CACNA2D3: variants seen among roughly 807,000 people sequenced by gnomAD.
CACNA2D3 encodes the protein calcium voltage-gated channel auxiliary subunit alpha2delta 3, also known as voltage-dependent calcium channel subunit alpha-2/delta-3.
Under a neutral mutation model 160.6 loss-of-function variants are expected in CACNA2D3, and 60 were observed. That is an observed-to-expected ratio of 0.37 (90% CI 0.30 to 0.46). CACNA2D3 has a LOEUF of 0.46. Ranked by LOEUF, CACNA2D3 falls within the 20% of genes least tolerant of loss-of-function variation. The pLI is 1.00. For synonymous variants in CACNA2D3, 558 were observed against 492.9 expected (o/e 1.13, Z -1.75); for missense variants, 1,205 against 1,365.0 (o/e 0.88, Z 1.85).
At chr3:54,199,451 C>T (rs537808130) in intron 2 of CACNA2D3, among the ~76,000 whole-genome samples, 181 of 152,260 alleles carry the variant, frequency 1.2e-3, no homozygotes, top group African/African-American at 4.0e-3. Context: ...GCAACCCCTA[C>T]GTGCCAGGCT....
chr3:54,237,420 A>G (rs1411140749), intron 2 of CACNA2D3, among the ~76,000 whole-genome samples: 1 of 152,146 alleles, frequency 6.6e-6, no homozygotes, highest in East Asian at 1.9e-4. Context: ...GTTGCTCTTT[A>G]TCTAAGAAAA....
chr3:54,241,152 G>C (rs562006926), intron 2 of CACNA2D3, among the ~76,000 whole-genome samples: 3 of 152,348 alleles, frequency 2.0e-5, no homozygotes, highest in Admixed American at 6.5e-5. Context: ...CTTGGGGTCA[G>C]TCTATATCTT....
rs767637082 is a variant in CACNA2D3, at chr3:54,642,193, G to A, written c.1119G>A (p.Val373=). ...TCATGCTCATAACTGATGGGGCGGT[G>A]GACACCTATGATACAATCTTTGCAA... ...QAIMLITDGA[V]DTYDTIFAKY... The change falls in exon 11 of 38, where the codon GTG becomes GTA. Residue 373 remains valine (V), a synonymous_variant. Transcript: ENST00000474759. 3 of 1,613,032 alleles carry A rather than the reference G, an allele frequency of 1.9e-6. No homozygotes were observed. The African/African-American group carries it at 4.0e-5, about 22-fold the overall frequency.
intron 31 of CACNA2D3, among the ~76,000 whole-genome samples, chr3:54,994,477 T>C (rs1385082338): frequency 2.0e-5 from 3 of 152,188 alleles, no homozygotes; most frequent in African/African-American, 7.2e-5. Context: ...TGGACAAGTA[T>C]ATTTCTGGGC....
At position 54,187,371 on chromosome 3, in the gene CACNA2D3, A is replaced by G. The variant is rs1272640771; in HGVS notation, c.204+63777A>G. On this transcript the variant is annotated intron_variant, in intron 2 of 37. Transcript: ENST00000474759. ...AAACTACAGAGATTTTAAAGGCTTG[A>G]CAATTGAAATAATTGAACACCGCAC... is the stretch of plus-strand genomic sequence containing the variant. Among the ~76,000 whole-genome samples the G allele has an allele frequency of 2.6e-5, 4 of 152,190 alleles. No homozygotes were observed. The East Asian group carries it at 5.8e-4, about 22-fold the overall frequency.
intron 3 of CACNA2D3, among the ~76,000 whole-genome samples, chr3:54,369,576 G>A (rs1698887366): frequency 6.6e-6 from 1 of 152,170 alleles, no homozygotes; most frequent in African/African-American, 2.4e-5. Flanking sequence ...CCCTTAGACT[G>A]ATGGTCCAGG....
At chr3:54,841,733 C>T (rs151063984) in intron 16 of CACNA2D3, among the ~76,000 whole-genome samples, 78 of 152,338 alleles carry the variant, frequency 5.1e-4, no homozygotes, top group African/African-American at 1.8e-3. Context: ...GAATTCCAGA[C>T]ACCCCAGCAA....
At chr3:54,859,970 A>ATGCG (rs1313212863) in intron 17 of CACNA2D3, among the ~76,000 whole-genome samples, 2 of 104,256 alleles carry the variant, frequency 1.9e-5, no homozygotes, top group Non-Finnish European at 4.0e-5. Flanking sequence ...TGGAAAGTAG[A>ATGCG]TGCACACACA....
chr3:54,511,181 T>C (rs1701452990), intron 5 of CACNA2D3, among the ~76,000 whole-genome samples: 1 of 152,350 alleles, frequency 6.6e-6, no homozygotes, highest in Non-Finnish European at 1.5e-5. Flanking sequence ...ATGGCTGCCA[T>C]GTCTTTCCCT....
At chr3:54,618,684 C>A (rs1201244555) in intron 9 of CACNA2D3, among the ~76,000 whole-genome samples, 1 of 152,128 alleles carries the variant, frequency 6.6e-6, no homozygotes, top group South Asian at 2.1e-4. Flanking sequence ...AATATGGCTC[C>A]TAACCTGTGT....
intron 2 of CACNA2D3, among the ~76,000 whole-genome samples, chr3:54,186,534 T>C (rs1184270720): frequency 6.6e-5 from 10 of 152,170 alleles, no homozygotes; most frequent in Admixed American, 6.5e-4. Flanking sequence ...CCTTCTTTCT[T>C]TACTTTTTAG....
rs137865929 is a variant in CACNA2D3 at position 54,663,833 on chromosome 3, G to A, written c.1167+21592G>A. On this transcript the variant is annotated intron_variant, in intron 11 of 37. Transcript: ENST00000474759. ...AGAGAGGGGGTCATCTGCATGCAGT[G>A]TGGAAGATGGCCACTTCACTGCCAC... Among the ~76,000 whole-genome samples the A allele has an allele frequency of 1.2e-4, 19 of 152,340 alleles. No homozygotes were observed. The East Asian group carries it at 3.7e-3, about 29-fold the overall frequency.
intron 2 of CACNA2D3, among the ~76,000 whole-genome samples, chr3:54,209,215 T>G (rs942024320): frequency 1.3e-5 from 2 of 152,168 alleles, no homozygotes; most frequent in Non-Finnish European, 2.9e-5. Context: ...ACATAATTTT[T>G]GGAAGATTTC....
chr3:54,369,507 C>T (rs899647074), intron 3 of CACNA2D3, among the ~76,000 whole-genome samples: 13 of 152,204 alleles, frequency 8.5e-5, no homozygotes, highest in Non-Finnish European at 1.8e-4. Flanking sequence ...GGACCCCAGC[C>T]TCTGACCACC....
intron 4 of CACNA2D3, among the ~76,000 whole-genome samples, chr3:54,426,361 C>T (rs894927516): frequency 6.6e-6 from 1 of 152,172 alleles, no homozygotes; most frequent in African/African-American, 2.4e-5. Flanking sequence ...TTATAAACTG[C>T]ACTTTAGAGA....
At chr3:55,027,900 C>G (rs932095379) in intron 35 of CACNA2D3, among the ~76,000 whole-genome samples, 3 of 152,188 alleles carry the variant, frequency 2.0e-5, no homozygotes, top group Admixed American at 6.5e-5. Flanking sequence ...CTGAGCACTT[C>G]CCACGGGAAC....
intron 3 of CACNA2D3, among the ~76,000 whole-genome samples, chr3:54,350,241 A>G (rs752187532): frequency 2.0e-5 from 3 of 152,020 alleles, no homozygotes; most frequent in Non-Finnish European, 4.4e-5. Context: ...CTTGCTGAGA[A>G]CTCCAAATGG....
intron 2 of CACNA2D3, among the ~76,000 whole-genome samples, chr3:54,263,025 T>G (rs1702433607): frequency 6.6e-6 from 1 of 152,212 alleles, no homozygotes; most frequent in Admixed American, 6.5e-5. Context: ...ATACTATGAC[T>G]TTGCAGAGAA....
chr3:54,454,345 C>T (rs1239549239), intron 4 of CACNA2D3, among the ~76,000 whole-genome samples: 4 of 152,092 alleles, frequency 2.6e-5, no homozygotes, highest in Non-Finnish European at 5.9e-5. Context: ...CCTCCCTCAC[C>T]CCCAAAAGTT....
Sources: gnomAD v4.1 joint callset for allele counts (sites outside exome capture counted in the v4.1 genomes callset) on GRCh38, gnomAD v4.1.1 for gene constraint, MANE v1.5 for transcripts, NCBI Gene and HGNC (gene_info 2026-07-23, HGNC 2026-07-21) for gene names.